TUT4: variants seen among roughly 807,000 people sequenced by gnomAD.
The protein encoded by TUT4 is terminal uridylyl transferase 4, also known as terminal uridylyltransferase 4.
TUT4 carries 36 observed loss-of-function variants against 192.2 expected under a neutral mutation model. That is an observed-to-expected ratio of 0.19 (90% CI 0.14 to 0.25). TUT4 has a LOEUF of 0.25. Among genes scored for constraint, TUT4 ranks in the 10% least tolerant of loss-of-function variants. The pLI is 1.00. For missense variants in TUT4, 1,493 were observed against 1,957.2 expected, an observed-to-expected ratio of 0.76 and a Z score of 4.47; for synonymous variants, 618 against 666.0, an observed-to-expected ratio of 0.93 and a Z score of 1.11.
chr1:52,527,090 G>T (rs529880317), intron 1 of TUT4, among the ~76,000 whole-genome samples: 2 of 152,198 alleles, frequency 1.3e-5, no homozygotes, highest in East Asian at 3.9e-4. Context: ...ATCCTAAATG[G>T]TAAAATCTTG....
intron 28 of TUT4, among the ~76,000 whole-genome samples, chr1:52,428,624 T>TAAAA (rs772389695): frequency 5.3e-4 from 39 of 72,900 alleles, no homozygotes; most frequent in Non-Finnish European, 8.5e-4. Context: ...AGACTCCCTC[T>TAAAA]AAAAAAAAAA....
At chr1:52,436,545 C>T (rs1653857708) in intron 26 of TUT4, among the ~76,000 whole-genome samples, 1 of 151,914 alleles carries the variant, frequency 6.6e-6, no homozygotes, top group Non-Finnish European at 1.5e-5. Context: ...TAATTGAATA[C>T]AACAGACTGT....
intron 3 of TUT4, among the ~76,000 whole-genome samples, chr1:52,510,058 T>C (rs182029859): frequency 1.9e-4 from 29 of 152,246 alleles, no homozygotes; most frequent in Admixed American, 1.8e-3. Flanking sequence ...ATGCCTGTAA[T>C]CCCAGCACTT....
chr1:52,475,363 A>C lies in TUT4; in HGVS notation c.2196T>G (p.Asn732Lys). Residue 732 changes from asparagine to lysine, a missense_variant, in exon 13 of 30, where the codon AAT becomes AAG. Physicochemically the swap from Asn to Lys is moderately conservative, Grantham distance 94. Coordinates refer to ENST00000257177, the MANE Select transcript of TUT4 (RefSeq NM_001009881.3). Reference sequence around the variant, plus strand: ...TATTGTTCGACTTGACTGGTTTCTTATTGCTTATTTTCCCCTTCTCTCTTT... The same window carrying C: ...TATTGTTCGACTTGACTGGTTTCTTCTTGCTTATTTTCCCCTTCTCTCTTT... ...FKKREKGKIS[N>K]KKPVKSNNMA... is the part of the protein sequence containing the mutation. The C allele has an allele frequency of 6.2e-7, 1 of 1,614,082 alleles. No homozygotes were observed. The highest frequency in any genetic ancestry group is 8.5e-7 in the Non-Finnish European group (1 of 1,180,022).
At chr1:52,524,565 T>C (rs1299641264) in intron 2 of TUT4, among the ~76,000 whole-genome samples, 4 of 151,450 alleles carry the variant, frequency 2.6e-5, no homozygotes, top group Non-Finnish European at 5.9e-5. Flanking sequence ...CCCAGCATTT[T>C]GGGAGGCCAA....
intron 1 of TUT4, among the ~76,000 whole-genome samples, chr1:52,550,268 C>T (rs982410850): frequency 3.3e-5 from 5 of 152,084 alleles, no homozygotes; most frequent in African/African-American, 1.2e-4. Flanking sequence ...AAAAAGTCTA[C>T]ATATCCTGTT....
intron 9 of TUT4, among the ~76,000 whole-genome samples, chr1:52,482,466 G>T (rs1210302118): frequency 2.6e-5 from 4 of 152,094 alleles, no homozygotes; most frequent in African/African-American, 4.8e-5. Context: ...TTGAGACAGG[G>T]TCTTGCTCTG....
intron 2 of TUT4, among the ~76,000 whole-genome samples, chr1:52,524,102 G>T (rs1681051924): frequency 6.6e-6 from 1 of 152,126 alleles, no homozygotes; most frequent in Admixed American, 6.5e-5. Flanking sequence ...ACAACAAAAT[G>T]AATTTTACAA....
At chr1:52,531,276 G>A (rs369932728) in intron 1 of TUT4, among the ~76,000 whole-genome samples, 14 of 151,452 alleles carry the variant, frequency 9.2e-5, no homozygotes, top group African/African-American at 2.7e-4. Context: ...CCCAGGCTGG[G>A]GTGCAGTGAT....
intron 4 of TUT4, among the ~76,000 whole-genome samples, chr1:52,503,905 C>T (rs1461495973): frequency 6.6e-6 from 1 of 152,176 alleles, no homozygotes; most frequent in African/African-American, 2.4e-5. Flanking sequence ...TGTCCTTACT[C>T]ATTTGGTGAC....
chr1:52,439,827 A>C (rs1477244804), intron 24 of TUT4, among the ~76,000 whole-genome samples: 1 of 152,268 alleles, frequency 6.6e-6, no homozygotes, highest in African/African-American at 2.4e-5. Context: ...ACAAATATTC[A>C]CAACAGCATT....
At chr1:52,485,391 A>G (rs1200075059) in intron 9 of TUT4, among the ~76,000 whole-genome samples, 1 of 152,166 alleles carries the variant, frequency 6.6e-6, no homozygotes, top group African/African-American at 2.4e-5. Flanking sequence ...TAGGTGTACA[A>G]TCATATCATT....
chr1:52,486,806 C>T (rs778134402), intron 9 of TUT4, among the ~76,000 whole-genome samples: 12 of 152,116 alleles, frequency 7.9e-5, no homozygotes, highest in Admixed American at 1.3e-4. Context: ...CCATGAGCAA[C>T]CTTTTCCAAG....
At chr1:52,476,843 C>T (rs1415502271) in intron 12 of TUT4, among the ~76,000 whole-genome samples, 4 of 152,146 alleles carry the variant, frequency 2.6e-5, no homozygotes, top group Non-Finnish European at 4.4e-5. Flanking sequence ...GCTGAACAGA[C>T]TAAAACGGAC....
intron 18 of TUT4, 97 bp from the exon 19 acceptor site, chr1:52,461,320 A>G: frequency 8.1e-7 from 1 of 1,241,210 alleles, no homozygotes; most frequent in South Asian, 1.6e-5. Flanking sequence ...TACAAAATAT[A>G]TAAATGTAAA....
chr1:52,444,156 T>C (rs550834399), intron 24 of TUT4, among the ~76,000 whole-genome samples: 4 of 151,400 alleles, frequency 2.6e-5, no homozygotes, highest in Non-Finnish European at 5.9e-5. Flanking sequence ...ATCGCTTGAA[T>C]CCAGGAGGCG....
At chr1:52,541,488 C>T (rs764656553) in intron 1 of TUT4, among the ~76,000 whole-genome samples, 23 of 151,406 alleles carry the variant, frequency 1.5e-4, no homozygotes, top group Non-Finnish European at 2.6e-4. Context: ...GCCAAGATCG[C>T]GCCATTGCGC....
chr1:52,548,090 C>T (rs561383909), intron 1 of TUT4, among the ~76,000 whole-genome samples: 3 of 152,084 alleles, frequency 2.0e-5, no homozygotes, highest in African/African-American at 4.8e-5. Flanking sequence ...CACATGTCAC[C>T]CCAGACCAGA....
intron 1 of TUT4, among the ~76,000 whole-genome samples, chr1:52,543,720 G>T (rs1025678582): frequency 6.6e-6 from 1 of 151,844 alleles, no homozygotes; most frequent in African/African-American, 2.4e-5. Flanking sequence ...CTGACCTCAG[G>T]TAATCCACCA....
Sources: allele counts gnomAD v4.1 joint callset (sites outside exome capture counted in the v4.1 genomes callset), GRCh38; gene constraint gnomAD v4.1.1; transcripts MANE v1.5; gene names NCBI Gene and HGNC (gene_info 2026-07-23, HGNC 2026-07-21).